MAD1L1: variants seen among roughly 807,000 people sequenced by gnomAD.
The protein encoded by MAD1L1 is mitotic arrest deficient 1 like 1.
In MAD1L1, 95 loss-of-function variants were observed where a neutral mutation model predicts 96.9. The ratio of observed to expected loss-of-function variants is 0.98; its 90% CI spans 0.83 to 1.16. The LOEUF (loss-of-function observed/expected upper bound fraction) is 1.16, where lower values mean the gene tolerates loss of function less well. Ranked by LOEUF, MAD1L1 falls within the 50% of genes most tolerant of loss-of-function variation. The probability of loss-of-function intolerance (pLI) is 0.00; values close to 1 mark genes in which losing one functional copy is unlikely to be tolerated. For synonymous variants in MAD1L1, 473 were observed against 396.6 expected, an observed-to-expected ratio of 1.19 and a Z score of -2.29; for missense variants, 1,007 against 954.4, an observed-to-expected ratio of 1.06 and a Z score of -0.73.
intron 11 of MAD1L1, among the ~76,000 whole-genome samples, chr7:2,141,458 G>T (rs1789027507): frequency 6.6e-6 from 1 of 152,304 alleles, no homozygotes; most frequent in African/African-American, 2.4e-5. Flanking sequence ...ATACTGGGGG[G>T]CCACAGAGAA....
At chr7:1,903,589 C>G (rs1489528610) in intron 17 of MAD1L1, among the ~76,000 whole-genome samples, 120 of 92,734 alleles carry the variant, frequency 1.3e-3, no homozygotes, top group East Asian at 1.4e-3. Context: ...AGGCAGCGAG[C>G]ACGCAGTGGC....
intron 17 of MAD1L1, among the ~76,000 whole-genome samples, chr7:1,931,660 C>T (rs998193348): frequency 2.1e-5 from 3 of 143,160 alleles, no homozygotes; most frequent in African/African-American, 5.0e-5. Flanking sequence ...CCCTGCAACA[C>T]GCGTCTCCCT....
intron 18 of MAD1L1, among the ~76,000 whole-genome samples, chr7:1,852,908 G>A (rs748292430): frequency 1.3e-5 from 2 of 152,112 alleles, no homozygotes; most frequent in South Asian, 2.1e-4. Context: ...CGCTGTCCCT[G>A]GAGCCCATGT....
intron 15 of MAD1L1, among the ~76,000 whole-genome samples, chr7:1,958,906 G>T (rs1008144292): frequency 6.6e-6 from 1 of 152,174 alleles, no homozygotes; most frequent in Non-Finnish European, 1.5e-5. Flanking sequence ...ATTAGAATCC[G>T]TAAGAGAAAA....
intron 14 of MAD1L1, among the ~76,000 whole-genome samples, chr7:1,989,677 G>A (rs1006417167): frequency 2.6e-5 from 4 of 152,144 alleles, no homozygotes; most frequent in Admixed American, 2.6e-4. Context: ...GCCCCAGCGT[G>A]GACCAGCCTC....
chr7:1,846,935 G>C lies in MAD1L1; in HGVS notation c.1999-30707C>G, dbSNP rs560411940. On this transcript the variant is annotated intron_variant, in intron 18 of 18. Transcript: ENST00000265854. ...GCTCGTGGGGCTTGAATGGTATCACGGGAGGTTCTTCATCTTGCGGTGGGA... is the reference window on the plus strand; with the variant it reads ...GCTCGTGGGGCTTGAATGGTATCACCGGAGGTTCTTCATCTTGCGGTGGGA... The C allele has an allele frequency of 5.0e-5, 16 of 317,630 alleles. 2 individuals carry two copies. Among genetic ancestry groups the C allele is most frequent in the South Asian group, 3.8e-4 (15 of 38,984 alleles). The allele number at this position is 317,630 out of a possible 1,614,324, so 19.7% of individuals were successfully genotyped here.
chr7:2,210,452 T>TGACGTCCAGCGTGAGTCACC (rs1562375201), intron 10 of MAD1L1, among the ~76,000 whole-genome samples: 1 of 132,916 alleles, frequency 7.5e-6, no homozygotes, highest in Non-Finnish European at 1.7e-5. Context: ...CCGTGGACTC[T>TGACGTCCAGCGTGAGTCACC]CTAGGAGCCG....
intron 11 of MAD1L1, chr7:2,148,713 A>T (rs77872319): frequency 0.034 from 5,773 of 167,968 alleles, 352 homozygotes; most frequent in African/African-American, 0.13. Context: ...AGTGAGGGGC[A>T]TGTCTCTTGG....
chr7:2,149,189 G>C lies in MAD1L1; in HGVS notation c.1036C>G (p.Leu346Val), dbSNP rs760511574. ...RFVVELQQRE[L>V]ALKDKNSAVT... ...GCGCTGTTCTTGTCCTTCAAGGCAA[G>C]CTCCCTCTGCTGCAGCTCAACCACG... The change falls in exon 11 of 19, where the codon CTT (leucine) becomes GTT (valine). Residue 346 changes from leucine to valine, a missense_variant. Transcript: ENST00000265854. 1 of 1,614,108 alleles carries C rather than the reference G, an allele frequency of 6.2e-7. No homozygotes were observed. Among genetic ancestry groups the C allele is most frequent in the East Asian group, 2.2e-5 (1 of 44,886 alleles).
chr7:2,220,850 T>A (rs1323198842), intron 5 of MAD1L1: 10 of 1,582,916 alleles, frequency 6.3e-6, no homozygotes, highest in Non-Finnish European at 8.6e-6. Flanking sequence ...AAACACATCC[T>A]CCCAGAGGTC....
intron 13 of MAD1L1, among the ~76,000 whole-genome samples, chr7:2,008,870 C>T (rs1353885158): frequency 6.6e-6 from 1 of 152,166 alleles, no homozygotes; most frequent in Non-Finnish European, 1.5e-5. Flanking sequence ...AACGACCTGA[C>T]GCAGTGCTCG....
intron 18 of MAD1L1, among the ~76,000 whole-genome samples, chr7:1,827,711 C>T (rs1782494581): frequency 1.0e-5 from 1 of 98,874 alleles, no homozygotes; most frequent in Admixed American, 9.0e-5. Flanking sequence ...GGTGTGGGGG[C>T]CTCCCCTCCT....
intron 18 of MAD1L1, among the ~76,000 whole-genome samples, chr7:1,860,032 G>A (rs1784456517): frequency 6.6e-6 from 1 of 150,570 alleles, no homozygotes; most frequent in South Asian, 2.1e-4. Context: ...CATCCTGCGG[G>A]GCAGCCTCTG....
chr7:2,218,242 A>G (rs969864873), intron 6 of MAD1L1, among the ~76,000 whole-genome samples, 199 bp from the exon 7 acceptor site: 1 of 151,594 alleles, frequency 6.6e-6, no homozygotes, highest in Admixed American at 6.6e-5. Context: ...CCCAGGCCCC[A>G]GCCCCTGTGG....
chr7:2,152,063 G>C (rs1789602697), intron 10 of MAD1L1, among the ~76,000 whole-genome samples: 1 of 152,226 alleles, frequency 6.6e-6, no homozygotes, highest in Non-Finnish European at 1.5e-5. Flanking sequence ...AGGTGGGTGT[G>C]ACCTGGAGTT....
At chr7:2,131,864 G>A (rs539952774) in intron 11 of MAD1L1, among the ~76,000 whole-genome samples, 24 of 152,280 alleles carry the variant, frequency 1.6e-4, no homozygotes, top group African/African-American at 5.8e-4. Context: ...TCCTTCTTTC[G>A]GCAACTGGCA....
chr7:1,903,726 G>A (rs1787425981), intron 17 of MAD1L1, among the ~76,000 whole-genome samples: 3 of 144,518 alleles, frequency 2.1e-5, no homozygotes, highest in African/African-American at 8.3e-5. Context: ...CAGGCAGCAA[G>A]GATGCAGTGG....
intron 10 of MAD1L1, among the ~76,000 whole-genome samples, chr7:2,164,933 T>G (rs1035004461): frequency 6.7e-6 from 1 of 148,390 alleles, no homozygotes; most frequent in Non-Finnish European, 1.5e-5. Flanking sequence ...TGGAGAAGAG[T>G]GGAAAGCCTG....
At chr7:2,116,479 G>A (rs1787699615) in intron 11 of MAD1L1, among the ~76,000 whole-genome samples, 1 of 151,680 alleles carries the variant, frequency 6.6e-6, no homozygotes, top group Non-Finnish European at 1.5e-5. Flanking sequence ...ATGAATGCCA[G>A]GGCAGGGAAA....
Sources: gnomAD v4.1 joint callset for allele counts (sites outside exome capture counted in the v4.1 genomes callset) on GRCh38, gnomAD v4.1.1 for gene constraint, MANE v1.5 for transcripts, NCBI Gene and HGNC (gene_info 2026-07-23, HGNC 2026-07-21) for gene names.